ERBB4: variants seen among roughly 807,000 people sequenced by gnomAD.
ERBB4 encodes the protein erb-b2 receptor tyrosine kinase 4, also known as receptor tyrosine-protein kinase erbB-4.
A neutral mutation model predicts 158.0 loss-of-function variants in ERBB4; 42 were observed. The ratio of observed to expected loss-of-function variants is 0.27; its 90% confidence interval spans 0.21 to 0.34. The LOEUF is 0.34. Ranked by LOEUF, ERBB4 falls within the 10% of genes least tolerant of loss-of-function variation. ERBB4 has a pLI of 1.00. For synonymous variants in ERBB4, 583 were observed against 558.7 expected (o/e 1.04, Z -0.61); for missense variants, 1,333 against 1,624.1 (o/e 0.82, Z 3.08).
intron 2 of ERBB4, among the ~76,000 whole-genome samples, chr2:211,963,702 A>AT (rs557078544): frequency 1.7e-3 from 263 of 151,372 alleles, no homozygotes; most frequent in African/African-American, 5.7e-3. Context: ...TGTTGATTTG[A>AT]TTTTTTTTCA....
chr2:212,495,404 G>T (rs1468791448), intron 1 of ERBB4, among the ~76,000 whole-genome samples: 1 of 151,814 alleles, frequency 6.6e-6, no homozygotes, highest in Non-Finnish European at 1.5e-5. Flanking sequence ...TTCCTCAAAG[G>T]AAAAAAATAA....
At chr2:211,640,185 G>C (rs1404926173) in intron 16 of ERBB4, among the ~76,000 whole-genome samples, 1 of 152,006 alleles carries the variant, frequency 6.6e-6, no homozygotes, top group Non-Finnish European at 1.5e-5. Context: ...TGCTAACAAA[G>C]AGGGATTAAG....
At chr2:212,474,382 A>C (rs16848646) in intron 1 of ERBB4, among the ~76,000 whole-genome samples, 16,167 of 152,072 alleles carry the variant, frequency 0.11, 2,382 homozygotes, top group African/African-American at 0.33. Flanking sequence ...CCTGTCTCAC[A>C]CTGGTATTAA....
intron 20 of ERBB4, among the ~76,000 whole-genome samples, chr2:211,495,415 T>C (rs1229782267): frequency 6.6e-6 from 1 of 152,160 alleles, no homozygotes; most frequent in African/African-American, 2.4e-5. Context: ...GAGAGAGCTG[T>C]TAATAAATTT....
intron 3 of ERBB4, among the ~76,000 whole-genome samples, chr2:211,806,305 G>C (rs1056261279): frequency 6.6e-6 from 1 of 152,134 alleles, no homozygotes; most frequent in Non-Finnish European, 1.5e-5. Flanking sequence ...CTTCTCAACA[G>C]GGACACCGTG....
intron 2 of ERBB4, among the ~76,000 whole-genome samples, chr2:212,033,759 T>C (rs909217343): frequency 3.3e-5 from 5 of 151,892 alleles, no homozygotes; most frequent in African/African-American, 4.8e-5. Flanking sequence ...CTTAGTTTAA[T>C]TTAATATAAT....
intron 20 of ERBB4, among the ~76,000 whole-genome samples, chr2:211,547,593 C>CA (rs1214949328): frequency 6.6e-6 from 1 of 151,968 alleles, no homozygotes; most frequent in Non-Finnish European, 1.5e-5. Context: ...CTAGATATGC[C>CA]AGTCCTCCTA....
At chr2:211,408,401 C>A (rs2063188644) in intron 25 of ERBB4, among the ~76,000 whole-genome samples, 1 of 152,188 alleles carries the variant, frequency 6.6e-6, no homozygotes. Context: ...CCTTTTCCAG[C>A]TCTGATTTTC....
chr2:211,690,029 T>G (rs1345559532), intron 12 of ERBB4, among the ~76,000 whole-genome samples: 1 of 148,568 alleles, frequency 6.7e-6, no homozygotes, highest in Non-Finnish European at 1.5e-5. Flanking sequence ...TATATACACT[T>G]TATAGATATG....
At chr2:211,452,086 C>T (rs1245638368) in intron 20 of ERBB4, among the ~76,000 whole-genome samples, 1 of 152,168 alleles carries the variant, frequency 6.6e-6, no homozygotes, top group African/African-American at 2.4e-5. Context: ...ATATCCAGCA[C>T]TCATACACTG....
chr2:212,215,946 G>C (rs370875106), intron 1 of ERBB4, among the ~76,000 whole-genome samples: 1 of 151,358 alleles, frequency 6.6e-6, no homozygotes, highest in Non-Finnish European at 1.5e-5. Context: ...GAGTGATGTA[G>C]CACTGGTAAT....
chr2:211,827,796 C>T (rs2077136109), intron 3 of ERBB4, among the ~76,000 whole-genome samples: 1 of 151,834 alleles, frequency 6.6e-6, no homozygotes, highest in South Asian at 2.1e-4. Flanking sequence ...TCTTCATTTG[C>T]ACATAATATT....
At chr2:212,537,829 G>A (rs1008021564) in intron 1 of ERBB4, among the ~76,000 whole-genome samples, 3 of 152,000 alleles carry the variant, frequency 2.0e-5, no homozygotes, top group Non-Finnish European at 4.4e-5. Context: ...GAAGCCGGCG[G>A]AAGAGGCCCA....
intron 1 of ERBB4, among the ~76,000 whole-genome samples, chr2:212,143,058 T>C (rs2080539517): frequency 6.6e-6 from 1 of 152,082 alleles, no homozygotes. Context: ...CAATATCACA[T>C]GATAAACATA....
At chr2:212,156,468 A>C (rs1411029398) in intron 1 of ERBB4, among the ~76,000 whole-genome samples, 1 of 152,152 alleles carries the variant, frequency 6.6e-6, no homozygotes, top group Admixed American at 6.6e-5. Flanking sequence ...CAGCACAGAC[A>C]TCAAAAATTG....
chr2:211,499,879 T>C (rs1196397419), intron 20 of ERBB4, among the ~76,000 whole-genome samples: 1 of 152,090 alleles, frequency 6.6e-6, no homozygotes, highest in Non-Finnish European at 1.5e-5. Flanking sequence ...CAATATCTCA[T>C]CTCAAGAAAT....
intron 3 of ERBB4, among the ~76,000 whole-genome samples, chr2:211,807,250 C>T (rs538089491): frequency 2.0e-5 from 3 of 152,100 alleles, no homozygotes; most frequent in East Asian, 1.9e-4. Context: ...CCCATTAACT[C>T]GTCATTTACA....
intron 1 of ERBB4, among the ~76,000 whole-genome samples, chr2:212,138,112 TAATA>T (rs2080332503): frequency 6.6e-6 from 1 of 152,190 alleles, no homozygotes; most frequent in African/African-American, 2.4e-5. Context: ...GTTAAGCTGC[TAATA>T]AATATGAATA....
chr2:212,116,601 C>T (rs1416190538), intron 2 of ERBB4, among the ~76,000 whole-genome samples: 2 of 152,110 alleles, frequency 1.3e-5, no homozygotes, highest in Admixed American at 1.3e-4. Flanking sequence ...GCATGTGCCG[C>T]CACACTGGTT....
Sources: gnomAD v4.1 joint callset for allele counts (sites outside exome capture counted in the v4.1 genomes callset) on GRCh38, gnomAD v4.1.1 for gene constraint, MANE v1.5 for transcripts, NCBI Gene and HGNC (gene_info 2026-07-23, HGNC 2026-07-21) for gene names.